Variants in NPTN observed in about 807,000 individuals in gnomAD.
The protein encoded by NPTN is SDR-1.
In NPTN, 5 loss-of-function variants were observed where a neutral mutation model predicts 42.7. The ratio of observed to expected loss-of-function variants is 0.12; its 90% CI spans 0.06 to 0.25. The LOEUF (loss-of-function observed/expected upper bound fraction) is 0.25, where lower values mean the gene tolerates loss of function less well. NPTN is among the 10% of genes least tolerant of loss of function. The pLI is 1.00. For missense variants in NPTN, 307 were observed against 525.4 expected, an observed-to-expected ratio of 0.58 and a Z score of 4.06; for synonymous variants, 180 against 201.9, an observed-to-expected ratio of 0.89 and a Z score of 0.92.
At chr15:73,632,207 C>A (rs917355640) in intron 1 of NPTN, among the ~76,000 whole-genome samples, 2 of 152,024 alleles carry the variant, frequency 1.3e-5, no homozygotes, top group African/African-American at 4.8e-5. Context: ...TGCAAACCAA[C>A]ATTACACCCC....
chr15:73,596,691 A>C (rs1221428610), intron 2 of NPTN, among the ~76,000 whole-genome samples: 1 of 152,154 alleles, frequency 6.6e-6, no homozygotes, highest in Non-Finnish European at 1.5e-5. Flanking sequence ...TTTTAATTTA[A>C]GCTTCCCAGT....
intron 1 of NPTN, among the ~76,000 whole-genome samples, chr15:73,605,184 C>A (rs542157264): frequency 2.0e-5 from 3 of 150,550 alleles, no homozygotes; most frequent in Non-Finnish European, 4.4e-5. Context: ...AAACTGGGGG[C>A]AGGGCTCACA....
At chr15:73,581,637 G>A (rs568232249) in intron 4 of NPTN, among the ~76,000 whole-genome samples, 34 of 152,288 alleles carry the variant, frequency 2.2e-4, no homozygotes, top group African/African-American at 7.0e-4. Flanking sequence ...ACGAATGCAT[G>A]TTCCTTAGTA....
intron 1 of NPTN, among the ~76,000 whole-genome samples, chr15:73,625,325 A>G (rs1033271963): frequency 2.0e-5 from 3 of 152,206 alleles, no homozygotes; most frequent in Non-Finnish European, 4.4e-5. Flanking sequence ...TGGGTCACAG[A>G]CAAAAAAGTT....
At chr15:73,600,918 T>A (rs1165518335) in intron 1 of NPTN, among the ~76,000 whole-genome samples, 1 of 152,186 alleles carries the variant, frequency 6.6e-6, no homozygotes, top group Non-Finnish European at 1.5e-5. Context: ...ATGATTCCAA[T>A]GCCCTGCTCT....
At chr15:73,623,884 ACT>A (rs1898263153) in intron 1 of NPTN, among the ~76,000 whole-genome samples, 1 of 152,112 alleles carries the variant, frequency 6.6e-6, no homozygotes, top group Admixed American at 6.5e-5. Flanking sequence ...AGTGCAAATA[ACT>A]CTATTCTTCC....
At position 73,577,951 on chromosome 15, in the gene NPTN, T is replaced by C. The variant is rs139535753; in HGVS notation, c.707-4156A>G. Among the ~76,000 whole-genome samples the C allele has an allele frequency of 3.5e-3, 531 of 152,132 alleles. 3 individuals are homozygous for C. Among genetic ancestry groups the C allele is most frequent in the African/African-American group, 0.012 (481 of 41,488 alleles). ...AGACTGATTTGAATAGTAATAAAACTCTGGTCTCCCAGCAAAAAAGAAAAG... is the reference window on the plus strand; with the variant it reads ...AGACTGATTTGAATAGTAATAAAACCCTGGTCTCCCAGCAAAAAAGAAAAG... On this transcript the variant is annotated intron_variant, in intron 4 of 8. Transcript: ENST00000345330.
intron 6 of NPTN, among the ~76,000 whole-genome samples, chr15:73,564,004 A>G (rs752381356): frequency 7.9e-5 from 12 of 152,262 alleles, no homozygotes; most frequent in Non-Finnish European, 1.3e-4. Context: ...CAGGGGAGCC[A>G]TGAGATAACT....
chr15:73,602,951 G>C (rs1485168170), intron 1 of NPTN, among the ~76,000 whole-genome samples: 1 of 152,182 alleles, frequency 6.6e-6, no homozygotes, highest in Non-Finnish European at 1.5e-5. Context: ...AATGACCAAA[G>C]GCATCTATAC....
chr15:73,605,406 C>T (rs1021136168), intron 1 of NPTN, among the ~76,000 whole-genome samples: 9 of 151,904 alleles, frequency 5.9e-5, no homozygotes, highest in Non-Finnish European at 1.3e-4. Context: ...AAAATAGAAC[C>T]TGACATCAGA....
At chr15:73,617,884 G>A (rs1157015428) in intron 1 of NPTN, among the ~76,000 whole-genome samples, 1 of 152,116 alleles carries the variant, frequency 6.6e-6, no homozygotes, top group African/African-American at 2.4e-5. Flanking sequence ...CTCTACTGGT[G>A]TTTTTTTCTC....
chr15:73,567,568 C>A (rs1327833421), intron 6 of NPTN: 1 of 985,164 alleles, frequency 1.0e-6, no homozygotes, highest in Non-Finnish European at 1.2e-6. Flanking sequence ...TTGAGGGGAA[C>A]TGGCTAAAGA....
chr15:73,625,408 T>C (rs755587900), intron 1 of NPTN, among the ~76,000 whole-genome samples: 7 of 152,078 alleles, frequency 4.6e-5, no homozygotes, highest in African/African-American at 1.7e-4. Context: ...TGGAGTGCAG[T>C]GGCATGTTCT....
intron 6 of NPTN, among the ~76,000 whole-genome samples, chr15:73,564,227 G>C (rs900110749): frequency 6.6e-6 from 1 of 152,206 alleles, no homozygotes; most frequent in Non-Finnish European, 1.5e-5. Flanking sequence ...TTATACAAAA[G>C]TCAGGTAAAC....
Position 73,573,712 on chromosome 15 carries a change from A to G in NPTN, c.790T>C (p.Tyr264His), listed in dbSNP as rs1895535651. The change falls in exon 5 of 9, where the codon TAC (tyrosine) becomes CAC (histidine). Residue 264 changes from tyrosine (Y) to histidine (H), a missense_variant. Tyr to His is a moderately conservative substitution (Grantham distance 83). Around this residue, in one of 2 missense-constraint regions of NPTN, gnomAD observed 264 missense variants for 491.1 expected, o/e 0.54. Transcript: ENST00000345330. Reference sequence around the variant, plus strand: ...CGCCATATCCAGTCTGGGTGGGGGTAGCCAACTGACTTGCAATACATAGTG... The same window carrying G: ...CGCCATATCCAGTCTGGGTGGGGGTGGCCAACTGACTTGCAATACATAGTG... ...DATMYCKSVGYPHPDWIWRKK... is the reference protein window; with the variant it reads ...DATMYCKSVGHPHPDWIWRKK... 1 of 1,595,896 alleles carries G rather than the reference A, an allele frequency of 6.3e-7. No individual in the cohort carries two copies. The highest frequency in any genetic ancestry group is 1.4e-5 in the African/African-American group (1 of 73,950).
At position 73,597,295 on chromosome 15, in the gene NPTN, C is replaced by T; in HGVS notation, c.166G>A (p.Gly56Arg). ...CACTGGATCTCTGGCGTGGGGCTCC[C>T]GACCACGTCACAGTACAGCTCAAAG... Reference protein sequence around the residue: ...DAFELYCDVVGSPTPEIQWWY... With the variant: ...DAFELYCDVVRSPTPEIQWWY... The change falls in exon 2 of 9, where the codon GGG becomes AGG. Residue 56 changes from glycine (G) to arginine (R), a missense_variant. Gly to Arg is a moderately radical substitution (Grantham distance 125). Coordinates refer to ENST00000345330, the MANE Select transcript of NPTN (RefSeq NM_012428.4). This position sits in a 1 kb window ranked among gnomAD's most constrained non-coding sequence, Gnocchi z 6.3. The T allele has an allele frequency of 6.2e-7, 1 of 1,613,934 alleles. No individual in the cohort carries two copies. Among genetic ancestry groups the T allele is most frequent in the Non-Finnish European group, 8.5e-7 (1 of 1,179,982 alleles).
At chr15:73,590,031 G>T (rs1896509318) in intron 3 of NPTN, among the ~76,000 whole-genome samples, 1 of 151,872 alleles carries the variant, frequency 6.6e-6, no homozygotes, top group African/African-American at 2.4e-5. Context: ...ACTTAAGACT[G>T]AAGTTCTTAG....
chr15:73,618,384 C>T (rs866106745), intron 1 of NPTN, among the ~76,000 whole-genome samples: 1 of 152,174 alleles, frequency 6.6e-6, no homozygotes, highest in South Asian at 2.1e-4. Flanking sequence ...TCAATAAACA[C>T]CAGTCATCTA....
intron 1 of NPTN, among the ~76,000 whole-genome samples, chr15:73,619,022 G>A (rs1214530477): frequency 6.9e-6 from 1 of 144,044 alleles, no homozygotes; most frequent in Non-Finnish European, 1.5e-5. Flanking sequence ...TCATACCACT[G>A]CACTCCAGCC....
Sources: gnomAD v4.1 joint callset for allele counts (sites outside exome capture counted in the v4.1 genomes callset) on GRCh38, gnomAD v4.1.1 for gene constraint, gnomAD v4.1.1 regional missense constraint, Gnocchi (gnomAD v3.1) non-coding constraint, MANE v1.5 for transcripts, NCBI Gene and HGNC (gene_info 2026-07-23, HGNC 2026-07-21) for gene names.